KCTD8: variants seen among roughly 807,000 people sequenced by gnomAD.
The protein encoded by KCTD8 is BTB/POZ domain-containing protein KCTD8.
A neutral mutation model predicts 31.5 loss-of-function variants in KCTD8; 27 were observed. The ratio of observed to expected loss-of-function variants is 0.86; its 90% CI spans 0.63 to 1.18. The LOEUF is 1.18. Ranked by LOEUF, KCTD8 falls within the 50% of genes most tolerant of loss-of-function variation. The pLI is 0.00. For missense variants in KCTD8, 658 were observed against 647.7 expected (o/e 1.02, Z -0.17); for synonymous variants, 290 against 280.0 (o/e 1.04, Z -0.36).
intron 1 of KCTD8, among the ~76,000 whole-genome samples, chr4:44,328,152 C>CA (rs1221695638): frequency 6.6e-6 from 1 of 151,638 alleles, no homozygotes; most frequent in Non-Finnish European, 1.5e-5. Context: ...AGGCATTTTG[C>CA]AAAAAACATC....
intron 1 of KCTD8, among the ~76,000 whole-genome samples, chr4:44,257,985 T>C (rs192310111): frequency 1.7e-3 from 253 of 152,134 alleles, no homozygotes; most frequent in African/African-American, 5.7e-3. Context: ...CCTAACTTCG[T>C]TCCAGTTCAT....
intron 1 of KCTD8, among the ~76,000 whole-genome samples, chr4:44,202,383 C>G (rs1714176806): frequency 6.6e-6 from 1 of 152,090 alleles, no homozygotes; most frequent in African/African-American, 2.4e-5. Flanking sequence ...AACTTAGGTG[C>G]CCATCAAACG....
At chr4:44,442,439 T>C (rs923779414) in intron 1 of KCTD8, among the ~76,000 whole-genome samples, 6 of 151,842 alleles carry the variant, frequency 4.0e-5, no homozygotes, top group African/African-American at 1.5e-4. Context: ...ATACAAAAAT[T>C]AGCTGGGCGT....
At chr4:44,204,998 A>G (rs950252039) in intron 1 of KCTD8, among the ~76,000 whole-genome samples, 1 of 152,118 alleles carries the variant, frequency 6.6e-6, no homozygotes, top group African/African-American at 2.4e-5. Flanking sequence ...TAAACCTTTG[A>G]GTCTAGTGGA....
At chr4:44,355,432 A>C (rs1049504590) in intron 1 of KCTD8, among the ~76,000 whole-genome samples, 3 of 152,248 alleles carry the variant, frequency 2.0e-5, no homozygotes, top group African/African-American at 7.2e-5. Context: ...AACTATGACA[A>C]AGTGTTTTAG....
rs1577823809 is a variant in KCTD8 at position 44,195,411 on chromosome 4, C to A, written c.962-20161G>T. Among the ~76,000 whole-genome samples the A allele has an allele frequency of 3.3e-5, 5 of 152,212 alleles. No homozygotes were observed. In the South Asian group the frequency reaches 1.0e-3, roughly 32 times the overall value. On this transcript the variant is annotated intron_variant, in intron 1 of 1. Transcript: ENST00000360029. ...ACTCATACTCCTTTGCTTGAATAGT[C>A]AGCTTTTCTGTTTGCTTTTAATGTG... is the stretch of plus-strand genomic sequence containing the variant.
intron 1 of KCTD8, among the ~76,000 whole-genome samples, chr4:44,190,990 A>G (rs1477807649): frequency 6.6e-6 from 1 of 152,168 alleles, no homozygotes; most frequent in Non-Finnish European, 1.5e-5. Context: ...GTTATTGGAG[A>G]ACTCTAACAC....
At chr4:44,424,146 T>A (rs1721289004) in intron 1 of KCTD8, among the ~76,000 whole-genome samples, 1 of 152,036 alleles carries the variant, frequency 6.6e-6, no homozygotes, top group African/African-American at 2.4e-5. Flanking sequence ...TTGTGTAAAA[T>A]CAACGGGGTG....
chr4:44,262,465 T>G (rs1335200051), intron 1 of KCTD8, among the ~76,000 whole-genome samples: 1 of 152,036 alleles, frequency 6.6e-6, no homozygotes, highest in Admixed American at 6.6e-5. Context: ...TAAAAATATA[T>G]AAGGACATAT....
At position 44,333,451 on chromosome 4, in the gene KCTD8, A is replaced by G. The variant is rs546403384; in HGVS notation, c.961+114112T>C. On this transcript the variant is annotated intron_variant, in intron 1 of 1. Transcript: ENST00000360029. ...ATTGTGCTTTACTCACAACCCTCCT[A>G]TGATGCACAGGCATAGTATCAATCA... Among the ~76,000 whole-genome samples the G allele has an allele frequency of 2.0e-5, 3 of 152,260 alleles. No homozygotes were observed. The South Asian group carries it at 6.2e-4, about 32-fold the overall frequency.
At chr4:44,226,885 T>G (rs1297916758) in intron 1 of KCTD8, among the ~76,000 whole-genome samples, 1 of 150,854 alleles carries the variant, frequency 6.6e-6, no homozygotes, top group Non-Finnish European at 1.5e-5. Flanking sequence ...TTAGATGGAG[T>G]TGTTTTTTTT....
intron 1 of KCTD8, among the ~76,000 whole-genome samples, chr4:44,439,900 TTTTATTTATTTATTTATTTATTTA>T (rs59211244): frequency 7.5e-6 from 1 of 133,370 alleles, no homozygotes; most frequent in African/African-American, 2.9e-5. Flanking sequence ...AATCATTTAT[TTTTATTTATTTATTTATTTATTTA>T]TTTATTTATT....
At chr4:44,351,456 CG>C (rs1553902977) in intron 1 of KCTD8, among the ~76,000 whole-genome samples, 24 of 151,946 alleles carry the variant, frequency 1.6e-4, no homozygotes, top group Non-Finnish European at 1.0e-4. Context: ...TCATTTTGGC[CG>C]TTTCTTCAGA....
chr4:44,326,293 T>C (rs1392541904), intron 1 of KCTD8, among the ~76,000 whole-genome samples: 2 of 151,850 alleles, frequency 1.3e-5, no homozygotes, highest in African/African-American at 2.4e-5. Context: ...TTAGACATGA[T>C]TGGGTGCATG....
intron 1 of KCTD8, among the ~76,000 whole-genome samples, chr4:44,238,031 C>T (rs1168932180): frequency 6.6e-6 from 1 of 152,162 alleles, no homozygotes; most frequent in African/African-American, 2.4e-5. Flanking sequence ...AGGATGAAGT[C>T]TGAAATCTCT....
chr4:44,195,824 T>C (rs1228914690), intron 1 of KCTD8, among the ~76,000 whole-genome samples: 5 of 152,176 alleles, frequency 3.3e-5, no homozygotes, highest in African/African-American at 1.2e-4. Context: ...AAGGATATTG[T>C]CTTGTTGAAA....
In KCTD8 at chr4:44,391,598, T is replaced by C. The variant is rs577878269; in HGVS notation, c.961+55965A>G. 6.6e-5 allele frequency among the ~76,000 whole-genome samples: 10 copies of C among 151,458 alleles called. No homozygotes were observed. In the South Asian group the frequency reaches 1.7e-3, roughly 25 times the overall value. ...TTATAAGGATATAACATATATAATA[T>C]ATATAAAATACATATAACATAAAAA... On this transcript the variant is annotated intron_variant, in intron 1 of 1. Coordinates refer to ENST00000360029, the MANE Select transcript of KCTD8 (RefSeq NM_198353.3).
intron 1 of KCTD8, among the ~76,000 whole-genome samples, chr4:44,411,654 G>A (rs956033963): frequency 6.6e-6 from 1 of 152,072 alleles, no homozygotes; most frequent in Non-Finnish European, 1.5e-5. Flanking sequence ...TAGGGTTGTA[G>A]AAATGGAATT....
intron 1 of KCTD8, among the ~76,000 whole-genome samples, chr4:44,211,802 AAT>A (rs977816803): frequency 6.6e-6 from 1 of 152,046 alleles, no homozygotes; most frequent in Admixed American, 6.5e-5. Flanking sequence ...AAATATCCCC[AAT>A]GTTAGTAATC....
Sources: gnomAD v4.1 joint callset for allele counts (sites outside exome capture counted in the v4.1 genomes callset) on GRCh38, gnomAD v4.1.1 for gene constraint, MANE v1.5 for transcripts, NCBI Gene and HGNC (gene_info 2026-07-23, HGNC 2026-07-21) for gene names.